CD59: variants seen among roughly 807,000 people sequenced by gnomAD.
The protein encoded by CD59 is CD59 molecule (CD59 blood group).
In CD59, 3 loss-of-function variants were observed where a neutral mutation model predicts 7.0. The observed-to-expected ratio is 0.43, with a 90% CI of 0.19 to 1.10. CD59 has a LOEUF of 1.10. CD59 is among the 50% of genes least tolerant of loss of function. The pLI is 0.29. For synonymous variants in CD59, 60 were observed against 62.0 expected (o/e 0.97, Z 0.15); for missense variants, 143 against 151.0 (o/e 0.95, Z 0.28).
chr11:33,713,750 G>T (rs1853665217), intron 3 of CD59, among the ~76,000 whole-genome samples: 1 of 152,232 alleles, frequency 6.6e-6, no homozygotes, highest in South Asian at 2.1e-4. Flanking sequence ...CATTTACTAT[G>T]TGTCGTGCAG....
intron 1 of CD59, among the ~76,000 whole-genome samples, chr11:33,732,272 G>C (rs906304260): frequency 1.3e-5 from 2 of 152,196 alleles, no homozygotes; most frequent in Non-Finnish European, 2.9e-5. Flanking sequence ...GACCTGGTGG[G>C]AGGTGACTGG....
At position 33,736,103 on chromosome 11, in the gene CD59, G is replaced by T. The variant is rs966249835; in HGVS notation, c.-19+279C>A. ...GGCCCGGGTGCGAGGCTGCCCCCGAGGGAATGGGGGGCGCGACGGGGGTAA... is the reference window on the plus strand; with the variant it reads ...GGCCCGGGTGCGAGGCTGCCCCCGATGGAATGGGGGGCGCGACGGGGGTAA... On this transcript the variant is annotated intron_variant, in intron 1 of 3. Transcript: ENST00000642928. The surrounding 1 kb of genome is among the most constrained non-coding windows in gnomAD (Gnocchi z 4.4). Among the ~76,000 whole-genome samples, 30 of 152,130 alleles carry T rather than the reference G, an allele frequency of 2.0e-4. No individual in the cohort carries two copies. Among genetic ancestry groups the T allele is most frequent in the African/African-American group, 6.8e-4 (28 of 41,426 alleles).
intron 3 of CD59, among the ~76,000 whole-genome samples, chr11:33,710,668 T>C (rs1442501452): frequency 1.3e-5 from 2 of 152,072 alleles, no homozygotes; most frequent in Non-Finnish European, 2.9e-5. Flanking sequence ...ATCCAGCAAT[T>C]CCACTTTTAG....
intron 2 of CD59, among the ~76,000 whole-genome samples, chr11:33,719,815 C>T (rs1853970568): frequency 6.6e-6 from 1 of 152,214 alleles, no homozygotes; most frequent in South Asian, 2.1e-4. Context: ...CCCCCACTGT[C>T]AGCCTGTGGC....
chr11:33,729,700 A>G (rs80134646), intron 1 of CD59, among the ~76,000 whole-genome samples: 1 of 109,274 alleles, frequency 9.2e-6, no homozygotes, highest in South Asian at 2.7e-4. Context: ...TATCTCCGAG[A>G]AAAAAAAAAA....
At chr11:33,722,514 G>T in intron 1 of CD59, 51 bp from the exon 2 acceptor site, 1 of 1,606,048 alleles carries the variant, frequency 6.2e-7, no homozygotes, top group Non-Finnish European at 8.5e-7. Flanking sequence ...ATGACTGCTG[G>T]TTGTCTCAAA....
intron 2 of CD59, 121 bp from the exon 3 acceptor site, chr11:33,717,592 C>T (rs1309233239): frequency 2.8e-6 from 2 of 709,172 alleles, no homozygotes; most frequent in Non-Finnish European, 5.2e-6. Context: ...CACTCCCGCA[C>T]AAATGTATAG....
At position 33,706,376 on chromosome 11, in the gene CD59, A is replaced by G. The variant is rs999673355; in HGVS notation, c.*3750T>C. On this transcript the variant is annotated 3_prime_UTR_variant, in exon 4 of 4. Coordinates refer to ENST00000642928, the MANE Select transcript of CD59 (RefSeq NM_000611.6). Reference sequence around the variant, plus strand: ...GCTAGTTTTCACTTATGTCCAAGTCAGTGGGGGTAAATGCATTGTGATTCA... The same window carrying G: ...GCTAGTTTTCACTTATGTCCAAGTCGGTGGGGGTAAATGCATTGTGATTCA... The G allele has an allele frequency of 3.3e-5, 5 of 152,186 alleles. No individual in the cohort carries two copies. Among genetic ancestry groups the G allele is most frequent in the African/African-American group, 1.2e-4 (5 of 41,432 alleles). 9.4% of individuals were successfully genotyped at this position (152,186 alleles called of 1,614,324 possible).
intron 3 of CD59, chr11:33,711,424 C>T: frequency 2.9e-6 from 2 of 700,978 alleles, no homozygotes; most frequent in Non-Finnish European, 5.2e-6. Context: ...TGATGGCTCA[C>T]ACCTGTAATC....
intron 1 of CD59, among the ~76,000 whole-genome samples, chr11:33,728,206 T>C (rs200668918): frequency 6.6e-6 from 1 of 152,178 alleles, no homozygotes; most frequent in Non-Finnish European, 1.5e-5. Context: ...AGAGCCCACA[T>C]AGCCAAGACA....
chr11:33,722,610 C>T, intron 1 of CD59, 147 bp from the exon 2 acceptor site: 1 of 1,510,270 alleles, frequency 6.6e-7, no homozygotes, highest in Non-Finnish European at 8.9e-7. Flanking sequence ...GGCCATGCCC[C>T]AGCTCTGACC....
chr11:33,729,638 ACATGTACCC>A (rs1854356487), intron 1 of CD59, among the ~76,000 whole-genome samples: 1 of 152,140 alleles, frequency 6.6e-6, no homozygotes, highest in African/African-American at 2.4e-5. Context: ...CACATTGTGC[ACATGTACCC>A]CAGAACGTAA....
intron 1 of CD59, among the ~76,000 whole-genome samples, chr11:33,725,342 T>C (rs1402853001): frequency 7.1e-6 from 1 of 141,630 alleles, no homozygotes; most frequent in Non-Finnish European, 1.5e-5. Context: ...AGATGGTAAA[T>C]GAACCAAAAG....
intron 3 of CD59, among the ~76,000 whole-genome samples, chr11:33,712,181 A>C (rs1351276950): frequency 6.6e-6 from 1 of 152,264 alleles, no homozygotes; most frequent in Admixed American, 6.5e-5. Context: ...TCAGTAATAC[A>C]GGAAAAGTTT....
chr11:33,727,045 C>T (rs1207232459), intron 1 of CD59, among the ~76,000 whole-genome samples: 2 of 151,972 alleles, frequency 1.3e-5, no homozygotes, highest in Non-Finnish European at 2.9e-5. Context: ...GCCTACCAAC[C>T]AAAAAAAGTC....
chr11:33,715,937 T>C (rs1853770459), intron 3 of CD59, among the ~76,000 whole-genome samples: 1 of 152,210 alleles, frequency 6.6e-6, no homozygotes, highest in Non-Finnish European at 1.5e-5. Flanking sequence ...TATCGTCTCA[T>C]TTGGAAACTA....
chr11:33,727,426 T>TGA (rs1395541758), intron 1 of CD59, among the ~76,000 whole-genome samples: 1 of 152,128 alleles, frequency 6.6e-6, no homozygotes, highest in East Asian at 1.9e-4. Context: ...AAAAACCACA[T>TGA]GATTATCTCA....
At position 33,721,314 on chromosome 11, in the gene CD59, T is replaced by C. The variant is rs1590532995; in HGVS notation, c.67+1065A>G. On this transcript the variant is annotated intron_variant, in intron 2 of 3. Transcript: ENST00000642928. ...TGCCTTCATTTCCTCAGCTGTAATA[T>C]GGGAGGTAACAGTACCGACCTCCCG... Among the ~76,000 whole-genome samples, 3 of 152,154 alleles carry C rather than the reference T, an allele frequency of 2.0e-5. No homozygotes were observed. In the South Asian group the frequency reaches 6.2e-4, roughly 32 times the overall value.
At chr11:33,721,279 G>A (rs2133555580) in intron 2 of CD59, among the ~76,000 whole-genome samples, 1 of 152,278 alleles carries the variant, frequency 6.6e-6, no homozygotes, top group East Asian at 1.9e-4. Context: ...CTGGCGCCAA[G>A]TTACTACTTT....
Sources: gnomAD v4.1 joint callset for allele counts (sites outside exome capture counted in the v4.1 genomes callset) on GRCh38, gnomAD v4.1.1 for gene constraint, Gnocchi (gnomAD v3.1) non-coding constraint, MANE v1.5 for transcripts, NCBI Gene and HGNC (gene_info 2026-07-23, HGNC 2026-07-21) for gene names.